CFAP95: variants seen among roughly 807,000 people sequenced by gnomAD.
The protein encoded by CFAP95 is cilia- and flagella-associated protein 95.
the CFAP95 span, chr9:69,906,011 A>G: frequency 1.8e-5 from 29 of 1,612,748 alleles, no homozygotes; most frequent in Non-Finnish European, 2.4e-5. Context: ...TTCTCAGTTC[A>G]CGGATCTAAA....
the CFAP95 span, among the ~76,000 whole-genome samples, chr9:69,871,306 A>C: frequency 6.6e-6 from 1 of 152,218 alleles, no homozygotes; most frequent in African/African-American, 2.4e-5. Flanking sequence ...AAGAATTTGC[A>C]GTGATGACAG....
chr9:69,849,582 C>G, the CFAP95 span, among the ~76,000 whole-genome samples: 1 of 152,072 alleles, frequency 6.6e-6, no homozygotes, highest in Non-Finnish European at 1.5e-5. Context: ...GATGCTATGA[C>G]AGGAAGAACA....
chr9:69,881,492 C>G, the CFAP95 span, among the ~76,000 whole-genome samples: 3 of 152,114 alleles, frequency 2.0e-5, no homozygotes, highest in Non-Finnish European at 2.9e-5. Flanking sequence ...GGATTTGTTT[C>G]TGGGTTCTGT....
At chr9:69,848,299 C>T in the CFAP95 span, among the ~76,000 whole-genome samples, 1 of 152,160 alleles carries the variant, frequency 6.6e-6, no homozygotes, top group Non-Finnish European at 1.5e-5. Flanking sequence ...ATTTCAGAGC[C>T]TGTCGAACAG....
chr9:69,893,319 A>T, the CFAP95 span, among the ~76,000 whole-genome samples: 1 of 152,198 alleles, frequency 6.6e-6, no homozygotes, highest in Admixed American at 6.5e-5. Context: ...GAGCTATCCC[A>T]TTATACTAGG....
the CFAP95 span, among the ~76,000 whole-genome samples, chr9:69,832,467 T>G: frequency 1.3e-5 from 2 of 152,266 alleles, no homozygotes; most frequent in East Asian, 3.9e-4. Flanking sequence ...CCCATGTAGC[T>G]CTGACAAATG....
the CFAP95 span, chr9:69,844,581 C>T: frequency 6.2e-7 from 1 of 1,613,330 alleles, no homozygotes; most frequent in Admixed American, 1.7e-5. Flanking sequence ...AGTTAAAAAA[C>T]TGTGTAATTC....
chr9:69,844,453 A>T, the CFAP95 span: 65 of 990,494 alleles, frequency 6.6e-5, no homozygotes, highest in Non-Finnish European at 9.2e-5. Context: ...AATTTTTAAA[A>T]ATCTGAATGC....
chr9:69,869,709 G>T, the CFAP95 span, among the ~76,000 whole-genome samples: 1 of 149,672 alleles, frequency 6.7e-6, no homozygotes, highest in East Asian at 2.0e-4. Flanking sequence ...TATGTCATGC[G>T]CTTTAAAGAT....
At chr9:69,887,590 C>T in the CFAP95 span, among the ~76,000 whole-genome samples, 1 of 152,158 alleles carries the variant, frequency 6.6e-6, no homozygotes, top group South Asian at 2.1e-4. Flanking sequence ...TTATTAGCAA[C>T]ACAAATTCAA....
chr9:69,887,726 C>T, the CFAP95 span, among the ~76,000 whole-genome samples: 9 of 152,306 alleles, frequency 5.9e-5, no homozygotes, highest in Admixed American at 3.3e-4. Context: ...TCCTCCATCT[C>T]GAGTTGAGGT....
At chr9:69,881,882 C>T in the CFAP95 span, among the ~76,000 whole-genome samples, 1 of 151,676 alleles carries the variant, frequency 6.6e-6, no homozygotes, top group Non-Finnish European at 1.5e-5. Flanking sequence ...TCTTTCACTT[C>T]TTTGGTTAAT....
the CFAP95 span, among the ~76,000 whole-genome samples, chr9:69,869,184 T>C: frequency 3.9e-5 from 6 of 152,216 alleles, no homozygotes; most frequent in African/African-American, 1.4e-4. Flanking sequence ...CTTGTAGAGA[T>C]ACCTGTACCC....
chr9:69,843,204 A>G, the CFAP95 span, among the ~76,000 whole-genome samples: 1 of 152,034 alleles, frequency 6.6e-6, no homozygotes, highest in Non-Finnish European at 1.5e-5. Flanking sequence ...ATGTAGTAGG[A>G]ATTTTAAAAC....
At chr9:69,886,505 G>C in the CFAP95 span, among the ~76,000 whole-genome samples, 1 of 152,170 alleles carries the variant, frequency 6.6e-6, no homozygotes, top group Non-Finnish European at 1.5e-5. Context: ...GATGAAAAAG[G>C]CACTATATTT....
the CFAP95 span, among the ~76,000 whole-genome samples, chr9:69,874,664 G>A: frequency 5.3e-5 from 8 of 152,250 alleles, no homozygotes; most frequent in South Asian, 2.1e-4. Context: ...TTCTTCCACC[G>A]GCTGGAGGAT....
chr9:69,846,689 C>T, the CFAP95 span, among the ~76,000 whole-genome samples: 20 of 152,160 alleles, frequency 1.3e-4, no homozygotes, highest in Non-Finnish European at 2.5e-4. Context: ...GCCAAGCCCC[C>T]ACACCTTCAC....
the CFAP95 span, among the ~76,000 whole-genome samples, chr9:69,839,421 T>C: frequency 2.0e-5 from 3 of 151,902 alleles, no homozygotes; most frequent in African/African-American, 7.3e-5. Context: ...ATCCTGTTAT[T>C]GGTCTATTCA....
At chr9:69,821,049 G>A in the CFAP95 span, 2 of 1,610,330 alleles carry the variant, frequency 1.2e-6, no homozygotes. Flanking sequence ...AAGTCCCCTC[G>A]CAAGTTCCCG....
Sources: gnomAD v4.1 joint callset for allele counts (sites outside exome capture counted in the v4.1 genomes callset) on GRCh38, gnomAD v4.1.1 for gene constraint, MANE v1.5 for transcripts, NCBI Gene and HGNC (gene_info 2026-07-23, HGNC 2026-07-21) for gene names.